Variants in ABCC9 observed in about 807,000 individuals in gnomAD.
ABCC9 encodes ATP binding cassette subfamily C member 9.
Under a neutral mutation model 188.3 loss-of-function variants are expected in ABCC9, and 95 were observed. The ratio of observed to expected loss-of-function variants is 0.50; its 90% CI spans 0.43 to 0.60. The LOEUF (loss-of-function observed/expected upper bound fraction) is 0.60. ABCC9 is among the 20% of genes least tolerant of loss of function. ABCC9 has a pLI of 0.00. For synonymous variants in ABCC9, 659 were observed against 652.7 expected, an observed-to-expected ratio of 1.01 and a Z score of -0.15; for missense variants, 1,102 against 1,876.3, an observed-to-expected ratio of 0.59 and a Z score of 7.62.
Position 21,908,062 on chromosome 12 carries a change from A to G in ABCC9, c.1455+15T>C, listed in dbSNP as rs369553899. The G allele has an allele frequency of 2.5e-6, 4 of 1,611,470 alleles. No homozygotes were observed. The highest frequency in any genetic ancestry group is 2.7e-5 in the African/African-American group (2 of 74,832). On this transcript the variant is annotated intron_variant, in intron 11 of 39. Coordinates refer to ENST00000261200, the MANE Select transcript of ABCC9 (RefSeq NM_020297.4). The stretch of plus-strand genomic sequence containing the variant: ...TCTCATTTTTGTAATTAAGTTTCCA[A>G]AAGATGTTACTTACAAGTGTACTTT...
At chr12:21,876,017 A>C (rs1946327023) in intron 16 of ABCC9, among the ~76,000 whole-genome samples, 1 of 152,144 alleles carries the variant, frequency 6.6e-6, no homozygotes, top group African/African-American at 2.4e-5. Flanking sequence ...GCGCCACTGC[A>C]CTCCAGCCTG....
chr12:21,848,093 A>G, intron 25 of ABCC9, 57 bp downstream of exon 25: 2 of 1,505,890 alleles, frequency 1.3e-6, no homozygotes, highest in Non-Finnish European at 1.8e-6. Context: ...ACACATAAAA[A>G]ACCCTCGCAT....
At chr12:21,884,150 C>T (rs1239757344) in intron 15 of ABCC9, among the ~76,000 whole-genome samples, 1 of 151,588 alleles carries the variant, frequency 6.6e-6, no homozygotes, top group African/African-American at 2.4e-5. Context: ...CAGCTCACTG[C>T]AGCCTTGACC....
intron 31 of ABCC9, among the ~76,000 whole-genome samples, chr12:21,821,521 A>G (rs769863841): frequency 6.6e-6 from 1 of 152,150 alleles, no homozygotes; most frequent in Non-Finnish European, 1.5e-5. Context: ...GAACAAGGTC[A>G]TAGCTGACTG....
At chr12:21,817,954 C>G (rs555187801) in intron 32 of ABCC9, among the ~76,000 whole-genome samples, 196 bp downstream of exon 32, 1 of 151,870 alleles carries the variant, frequency 6.6e-6, no homozygotes, top group Admixed American at 6.6e-5. Flanking sequence ...CATAGGTATA[C>G]GTGTGCCATG....
At chr12:21,906,393 C>T (rs1044905376) in intron 11 of ABCC9, 105 bp from the exon 12 acceptor site, 1 of 1,168,764 alleles carries the variant, frequency 8.6e-7, no homozygotes, top group Admixed American at 2.2e-5. Flanking sequence ...TTCAGACTGG[C>T]CCTGCCACTC....
chr12:21,844,497 T>G lies in ABCC9; in HGVS notation c.3301A>C (p.Asn1101His). ...CAGTTACTCACCTGATCAATGATATTAGTATCAGCTGAAAAGCGATTGAGA... is the reference window on the plus strand; with the variant it reads ...CAGTTACTCACCTGATCAATGATATGAGTATCAGCTGAAAAGCGATTGAGA... ...LILNRFSADTNIIDQHIPPTL... is the reference protein window; with the variant it reads ...LILNRFSADTHIIDQHIPPTL... Residue 1101 changes from asparagine to histidine, a missense_variant, in exon 28 of 40, where the codon AAT becomes CAT. Physicochemically the swap from Asn to His is moderately conservative, Grantham distance 68. Around this residue, in one of 12 missense-constraint regions of ABCC9, gnomAD observed 74 missense variants for 132.7 expected, o/e 0.56. Transcript: ENST00000261200. 6.2e-7 allele frequency: 1 copy of G among 1,613,496 alleles called. No homozygotes were observed. The highest frequency in any genetic ancestry group is 8.5e-7 in the Non-Finnish European group (1 of 1,179,476).
rs555784155 is a variant in ABCC9, at chr12:21,808,949, A to C, written c.4315+903T>G. On this transcript the variant is annotated intron_variant, in intron 37 of 39. Coordinates refer to ENST00000261200, the MANE Select transcript of ABCC9 (RefSeq NM_020297.4). ...CCTTGGAACTTAATTAAAATAATAAAATGTAGTATTTCTGAGTTGGCCCTG... is the reference window on the plus strand; with the variant it reads ...CCTTGGAACTTAATTAAAATAATAACATGTAGTATTTCTGAGTTGGCCCTG... 5.9e-5 allele frequency among the ~76,000 whole-genome samples: 9 copies of C among 152,242 alleles called. No individual in the cohort carries two copies. The South Asian group carries it at 1.9e-3, about 32-fold the overall frequency.
At chr12:21,857,675 C>A (rs866688080) in intron 22 of ABCC9, among the ~76,000 whole-genome samples, 1 of 152,052 alleles carries the variant, frequency 6.6e-6, no homozygotes, top group South Asian at 2.1e-4. Flanking sequence ...GAGAGGAAGA[C>A]GTGACTATGT....
intron 11 of ABCC9, among the ~76,000 whole-genome samples, chr12:21,907,635 A>G (rs1165691565): frequency 1.3e-5 from 2 of 152,026 alleles, no homozygotes; most frequent in African/African-American, 4.8e-5. Context: ...GAAACATGTC[A>G]ATGTGACTCC....
chr12:21,832,139 T>G (rs74533772), intron 30 of ABCC9, among the ~76,000 whole-genome samples: 1 of 152,336 alleles, frequency 6.6e-6, no homozygotes, highest in East Asian at 1.9e-4. Context: ...CCAGCTCATC[T>G]TCTGAACATT....
At chr12:21,845,578 A>T in intron 26 of ABCC9, 25 bp downstream of exon 26, 1 of 1,591,890 alleles carries the variant, frequency 6.3e-7, no homozygotes, top group Non-Finnish European at 8.6e-7. Flanking sequence ...TTGATGATTT[A>T]AAAACAAAAC....
chr12:21,938,678 A>C (rs1000448882), intron 2 of ABCC9, among the ~76,000 whole-genome samples: 2 of 152,210 alleles, frequency 1.3e-5, no homozygotes, highest in African/African-American at 4.8e-5. Flanking sequence ...AAATTATAAT[A>C]TTCCAGTTGG....
At chr12:21,911,506 C>T (rs1384791990) in intron 8 of ABCC9, among the ~76,000 whole-genome samples, 1 of 151,914 alleles carries the variant, frequency 6.6e-6, no homozygotes, top group Non-Finnish European at 1.5e-5. Context: ...AGTAACAAAA[C>T]ATAACTTACA....
Position 21,798,354 on chromosome 12 carries a change from T to C in ABCC9, c.*2690A>G, listed in dbSNP as rs1941256313. The stretch of plus-strand genomic sequence containing the variant: ...TTCCTGACTTTTTAATGATTGCCAT[T>C]CTAACTGGTGTGAGATGATATCTCA... On this transcript the variant is annotated 3_prime_UTR_variant, in exon 40 of 40. Transcript: ENST00000261200. 6.6e-6 allele frequency: 1 copy of C among 151,376 alleles called. No individual in the cohort carries two copies. 9.4% of individuals were successfully genotyped at this position (151,376 alleles called of 1,614,324 possible).
chr12:21,805,353 A>G (rs1487416760), intron 39 of ABCC9: 4 of 1,589,922 alleles, frequency 2.5e-6, no homozygotes, highest in Non-Finnish European at 3.5e-6. Context: ...GCAGAAGGAA[A>G]AATGTCCAAG....
intron 38 of ABCC9, among the ~76,000 whole-genome samples, chr12:21,806,974 TG>T (rs1941899193): frequency 6.6e-6 from 1 of 152,220 alleles, no homozygotes; most frequent in Non-Finnish European, 1.5e-5. Flanking sequence ...TGAGTGGTGT[TG>T]GTTAGTAATA....
intron 3 of ABCC9, among the ~76,000 whole-genome samples, chr12:21,934,182 A>G (rs1335779377): frequency 6.6e-6 from 1 of 152,090 alleles, no homozygotes; most frequent in African/African-American, 2.4e-5. Flanking sequence ...GGATGACAAC[A>G]TGGTTCTACC....
chr12:21,896,100 CT>C (rs1565458198), intron 12 of ABCC9, among the ~76,000 whole-genome samples: 1 of 25,140 alleles, frequency 4.0e-5, no homozygotes, highest in Non-Finnish European at 1.0e-4. Context: ...TTTTTTTTTA[CT>C]TTTCTTTTTT....
Sources: gnomAD v4.1 joint callset for allele counts (sites outside exome capture counted in the v4.1 genomes callset) on GRCh38, gnomAD v4.1.1 for gene constraint, gnomAD v4.1.1 regional missense constraint, MANE v1.5 for transcripts, NCBI Gene and HGNC (gene_info 2026-07-23, HGNC 2026-07-21) for gene names.